CNOT9: variants seen among roughly 807,000 people sequenced by gnomAD.
CNOT9 encodes RCD1 required for cell differentiation1 homolog.
Under a neutral mutation model 37.4 loss-of-function variants are expected in CNOT9, and 8 were observed. The observed-to-expected ratio is 0.21, with a 90% CI of 0.13 to 0.39. CNOT9 has a LOEUF of 0.39. CNOT9 is among the 10% of genes least tolerant of loss of function. The pLI, the probability that CNOT9 is intolerant of heterozygous loss-of-function variation, is 1.00. For missense variants in CNOT9, 154 were observed against 365.3 expected, an observed-to-expected ratio of 0.42 and a Z score of 4.71; for synonymous variants, 120 against 137.6, an observed-to-expected ratio of 0.87 and a Z score of 0.90.
intron 2 of CNOT9, chr2:218,581,134 A>G: frequency 7.4e-6 from 2 of 268,648 alleles, no homozygotes; most frequent in Non-Finnish European, 1.5e-5. Flanking sequence ...ATTCTATGGA[A>G]AAGAAATGGG....
At chr2:218,569,015 C>T in intron 1 of CNOT9, 37 bp downstream of exon 1, 1 of 1,609,328 alleles carries the variant, frequency 6.2e-7, no homozygotes, top group Middle Eastern at 1.7e-4. Context: ...AACCAGAATC[C>T]TTTCTCAGAC....
chr2:218,571,738 ATTT>A (rs34883423), intron 1 of CNOT9, among the ~76,000 whole-genome samples: 4 of 122,786 alleles, frequency 3.3e-5, no homozygotes, highest in South Asian at 2.7e-4. Flanking sequence ...CGCCTGGCTA[ATTT>A]TTTTTTTTTT....
In CNOT9 at chr2:218,568,967, G is replaced by T. The variant is rs781199533; in HGVS notation, c.13G>T (p.Ala5Ser). The T allele has an allele frequency of 6.2e-7, 1 of 1,611,180 alleles. No homozygotes were observed. Among genetic ancestry groups the T allele is most frequent in the South Asian group, 1.1e-5 (1 of 90,740 alleles). ...GGCCGCTCACAACATGCACAGCCTG[G>T]CGACGGCTGCGGTGAGTGGCTGGGC... MHSL[A>S]TAAPVPTTLA... Residue 5 changes from alanine to serine, a missense_variant, in exon 1 of 8, where the codon GCG (alanine) becomes TCG (serine). Coordinates refer to ENST00000273064, the MANE Select transcript of CNOT9 (RefSeq NM_005444.3).
chr2:218,577,581 G>A (rs1248230545), intron 1 of CNOT9, among the ~76,000 whole-genome samples: 1 of 152,226 alleles, frequency 6.6e-6, no homozygotes, highest in Non-Finnish European at 1.5e-5. Flanking sequence ...TGGCCTTTCA[G>A]AGTGCCTACA....
Position 218,592,221 on chromosome 2 carries a change from A to T in CNOT9, c.541-83A>T. ...CTGCTTGCTCAATTTTCTGACTGATAGTCATGCCTGGGAAAATGAGTAGAA... is the reference window on the plus strand; with the variant it reads ...CTGCTTGCTCAATTTTCTGACTGATTGTCATGCCTGGGAAAATGAGTAGAA... On this transcript the variant is annotated intron_variant, in intron 5 of 7. Coordinates refer to ENST00000273064, the MANE Select transcript of CNOT9 (RefSeq NM_005444.3). The surrounding 1 kb of genome is among the most constrained non-coding windows in gnomAD (Gnocchi z 4.1). The T allele has an allele frequency of 2.0e-6, 2 of 976,990 alleles. No homozygotes were observed. Among genetic ancestry groups the T allele is most frequent in the Non-Finnish European group, 3.2e-6 (2 of 617,620 alleles). The allele number at this position is 976,990 out of a possible 1,614,324, so 60.5% of individuals were successfully genotyped here. A position where few individuals can be genotyped will look rare whatever the true frequency, so the allele number is the denominator to read the frequency against.
chr2:218,569,139 G>T (rs1693852734), intron 1 of CNOT9, among the ~76,000 whole-genome samples, 161 bp downstream of exon 1: 1 of 152,206 alleles, frequency 6.6e-6, no homozygotes, highest in African/African-American at 2.4e-5. Context: ...GGTTGTGGTG[G>T]AGCCGGCCCC....
intron 1 of CNOT9, among the ~76,000 whole-genome samples, chr2:218,571,738 ATT>A (rs34883423): frequency 6.8e-4 from 84 of 122,786 alleles, no homozygotes; most frequent in Admixed American, 1.9e-3. Context: ...CGCCTGGCTA[ATT>A]TTTTTTTTTT....
At chr2:218,581,293 T>G (rs1421127755) in intron 2 of CNOT9, among the ~76,000 whole-genome samples, 3 of 151,388 alleles carry the variant, frequency 2.0e-5, no homozygotes, top group African/African-American at 7.3e-5. Context: ...CTCAGCCTCC[T>G]GAGTAGCTGG....
intron 1 of CNOT9, among the ~76,000 whole-genome samples, chr2:218,574,622 A>T (rs1393192278): frequency 6.6e-6 from 1 of 152,248 alleles, no homozygotes; most frequent in Non-Finnish European, 1.5e-5. Flanking sequence ...TGAGCACATT[A>T]AACCTCTATT....
In CNOT9 at chr2:218,595,667, A is replaced by C. The variant is rs1694910062; in HGVS notation, c.*1391A>C. ...ATGGGATTGCTTAATCCAACTCTGG[A>C]GAGGGACCAAGTCTTTTCTGCCCAC... On this transcript the variant is annotated 3_prime_UTR_variant, in exon 8 of 8. Coordinates refer to ENST00000273064, the MANE Select transcript of CNOT9 (RefSeq NM_005444.3). The C allele has an allele frequency of 6.6e-6, 1 of 150,978 alleles. No individual in the cohort carries two copies. The allele number at this position is 150,978 out of a possible 1,614,324, so 9.4% of individuals were successfully genotyped here. A position where few individuals can be genotyped will look rare whatever the true frequency, so the allele number is the denominator to read the frequency against.
intron 1 of CNOT9, chr2:218,572,660 A>C (rs142277056): frequency 1.0e-6 from 1 of 984,938 alleles, no homozygotes; most frequent in Admixed American, 6.1e-5. Context: ...AAATCTTTGC[A>C]TGCCATAGGT....
At chr2:218,569,022 A>G in intron 1 of CNOT9, 44 bp downstream of exon 1, 1 of 1,607,444 alleles carries the variant, frequency 6.2e-7, no homozygotes, top group Non-Finnish European at 8.5e-7. Context: ...ATCCTTTCTC[A>G]GACCCACGTT....
At chr2:218,590,463 G>A (rs778021363) in intron 5 of CNOT9, among the ~76,000 whole-genome samples, 31 of 152,144 alleles carry the variant, frequency 2.0e-4, no homozygotes, top group Non-Finnish European at 1.6e-4. Context: ...TTTATATTAG[G>A]TTCCTATATA....
In CNOT9 at chr2:218,584,625, G is replaced by T. The variant is rs148321797; in HGVS notation, c.334G>T (p.Ala112Ser). ...GTTTTCTTCCAGGTCAGCGTTTCTC[G>T]CAGCACACATCCCACTTTTTTTGTA... ...SHPETRSAFL[A>S]AHIPLFLYPF... The change falls in exon 4 of 8, where the codon GCA becomes TCA. Residue 112 changes from alanine to serine, a missense_variant. Physicochemically the swap from Ala to Ser is moderately conservative, Grantham distance 99. Around this residue, in one of 2 missense-constraint regions of CNOT9, gnomAD observed 117 missense variants for 325.4 expected, o/e 0.36. Transcript: ENST00000273064. 1 of 1,613,180 alleles carries T rather than the reference G, an allele frequency of 6.2e-7. No homozygotes were observed. The highest frequency in any genetic ancestry group is 8.5e-7 in the Non-Finnish European group (1 of 1,179,224).
At chr2:218,582,935 T>C (rs1019691922) in intron 2 of CNOT9, 36 bp from the exon 3 acceptor site, 1 of 1,175,688 alleles carries the variant, frequency 8.5e-7, no homozygotes, top group Non-Finnish European at 1.3e-6. Flanking sequence ...TTTTTAGTTA[T>C]TCCTTATTCA....
intron 1 of CNOT9, among the ~76,000 whole-genome samples, chr2:218,575,065 C>T (rs1168822804): frequency 2.0e-5 from 3 of 152,100 alleles, no homozygotes; most frequent in Non-Finnish European, 4.4e-5. Context: ...AGTTCCTTCA[C>T]TTTAACAATG....
At position 218,574,966 on chromosome 2, in the gene CNOT9, AAAG is replaced by A. The variant is rs1363428881; in HGVS notation, c.25-5593_25-5591del. ...ATACGTCAAAGTTTTTTTTTTAAAA[AAAG>A]AGCCTCTTAGATTAGACTCTCACAA... On this transcript the variant is annotated intron_variant, in intron 1 of 7. Transcript: ENST00000273064. Among the ~76,000 whole-genome samples the A allele has an allele frequency of 5.3e-5, 8 of 152,162 alleles. No homozygotes were observed. The East Asian group carries it at 5.8e-4, about 11-fold the overall frequency.
chr2:218,592,186 A>C lies in CNOT9; in HGVS notation c.541-118A>C, dbSNP rs556279900. The C allele has an allele frequency of 9.4e-4, 667 of 708,340 alleles. 7 individuals are homozygous for C. The South Asian group carries it at 0.01, about 11-fold the overall frequency. The allele number at this position is 708,340 out of a possible 1,614,324, so 43.9% of individuals were successfully genotyped here. A position where few individuals can be genotyped will look rare whatever the true frequency, so the allele number is the denominator to read the frequency against. On this transcript the variant is annotated intron_variant, in intron 5 of 7. Coordinates refer to ENST00000273064, the MANE Select transcript of CNOT9 (RefSeq NM_005444.3). The surrounding 1 kb of genome is among the most constrained non-coding windows in gnomAD (Gnocchi z 4.1). The stretch of plus-strand genomic sequence containing the variant: ...TATATGATAAAGTTGTACATAATAT[A>C]CAAGGATCCCTGCTTGCTCAATTTT...
chr2:218,573,143 C>T (rs1694054728), intron 1 of CNOT9, among the ~76,000 whole-genome samples: 2 of 151,980 alleles, frequency 1.3e-5, no homozygotes, highest in Non-Finnish European at 2.9e-5. Context: ...CGTAGTGAAA[C>T]CCCGTCTTTG....
Sources: gnomAD v4.1 joint callset for allele counts (sites outside exome capture counted in the v4.1 genomes callset) on GRCh38, gnomAD v4.1.1 for gene constraint, gnomAD v4.1.1 regional missense constraint, Gnocchi (gnomAD v3.1) non-coding constraint, MANE v1.5 for transcripts, NCBI Gene and HGNC (gene_info 2026-07-23, HGNC 2026-07-21) for gene names.